Variants in ABCD2 observed in about 807,000 individuals in gnomAD.
ABCD2 encodes the protein ATP-binding cassette sub-family D member 2.
ABCD2 carries 36 observed loss-of-function variants against 70.9 expected under a neutral mutation model. That is an observed-to-expected ratio of 0.51 (90% CI 0.39 to 0.67). The LOEUF is 0.67. Among genes scored for constraint, ABCD2 ranks in the 30% least tolerant of loss-of-function variants. The probability of loss-of-function intolerance (pLI) is 0.00; values close to 1 mark genes in which losing one functional copy is unlikely to be tolerated. For missense variants in ABCD2, 729 were observed against 890.2 expected, an observed-to-expected ratio of 0.82 and a Z score of 2.30; for synonymous variants, 304 against 306.9, an observed-to-expected ratio of 0.99 and a Z score of 0.10.
intron 4 of ABCD2, 129 bp downstream of exon 4, chr12:39,604,633 T>A: frequency 1.5e-6 from 1 of 648,464 alleles, no homozygotes; most frequent in South Asian, 2.9e-5. Context: ...TATTAGGGAT[T>A]GCTGTTTAAA....
In ABCD2 at chr12:39,573,791, A is replaced by T; in HGVS notation, c.1928T>A (p.Val643Asp). The T allele has an allele frequency of 6.2e-7, 1 of 1,613,400 alleles. No individual in the cohort carries two copies. Among genetic ancestry groups the T allele is most frequent in the South Asian group, 1.1e-5 (1 of 91,056 alleles). ...TGCAGCCTGAAATATCTTTCCTTCG[A>T]CATCAATGCTGACAGCACTGGTACA... ...DECTSAVSID[V>D]EGKIFQAAKG... is the part of the protein sequence containing the mutation. Residue 643 changes from valine to aspartate, a missense_variant, in exon 9 of 10, where the codon GTC (valine) becomes GAC (aspartate). This residue lies in a region of ABCD2 where 289 missense variants were observed against 328.8 expected (regional missense o/e 0.88). Coordinates refer to ENST00000308666, the MANE Select transcript of ABCD2 (RefSeq NM_005164.4).
At chr12:39,593,133 A>G (rs796996574) in intron 6 of ABCD2, among the ~76,000 whole-genome samples, 41 of 152,364 alleles carry the variant, frequency 2.7e-4, no homozygotes, top group Admixed American at 1.7e-3. Flanking sequence ...TGGGTTAAAC[A>G]ATGTTGATAT....
At chr12:39,537,954 TG>T in the ABCD2 span, among the ~76,000 whole-genome samples, 1 of 152,184 alleles carries the variant, frequency 6.6e-6, no homozygotes, top group African/African-American at 2.4e-5. Flanking sequence ...GAATAGGGTC[TG>T]GAGGCAGGGA....
At chr12:39,599,807 T>C (rs1256562256) in intron 6 of ABCD2, among the ~76,000 whole-genome samples, 1 of 152,222 alleles carries the variant, frequency 6.6e-6, no homozygotes, top group East Asian at 1.9e-4. Context: ...AGGCGCTTGT[T>C]AGACTCCACA....
the ABCD2 span, among the ~76,000 whole-genome samples, chr12:39,531,435 CCTT>C: frequency 6.6e-6 from 1 of 152,184 alleles, no homozygotes; most frequent in African/African-American, 2.4e-5. Flanking sequence ...ACCGTTTTGA[CCTT>C]CTACCAGAAA....
chr12:39,543,934 G>A, the ABCD2 span, among the ~76,000 whole-genome samples: 4 of 152,154 alleles, frequency 2.6e-5, no homozygotes, highest in African/African-American at 4.8e-5. Context: ...AAAATTATAC[G>A]TCCTTCTCTA....
Position 39,619,139 on chromosome 12 carries a change from G to A in ABCD2, c.477C>T (p.Phe159=). The A allele has an allele frequency of 6.2e-6, 10 of 1,614,182 alleles. No individual in the cohort carries two copies. The highest frequency in any genetic ancestry group is 1.1e-5 in the South Asian group (1 of 91,078). ...CCAGGTACCTTATTGCACTGTTGAC[G>A]AAGGTAGCAGGGATGGCAATCATAA... ...KWLMIAIPAT[F]VNSAIRYLEC... Residue 159 remains phenylalanine, a synonymous_variant, in exon 1 of 10, where the codon TTC becomes TTT. Coordinates refer to ENST00000308666, the MANE Select transcript of ABCD2 (RefSeq NM_005164.4).
chr12:39,581,545 T>C (rs1941596159), intron 7 of ABCD2, among the ~76,000 whole-genome samples: 1 of 152,196 alleles, frequency 6.6e-6, no homozygotes, highest in African/African-American at 2.4e-5. Context: ...TAGGGAAAAC[T>C]GTTGAAATAA....
At chr12:39,542,883 G>A in the ABCD2 span, among the ~76,000 whole-genome samples, 2 of 152,186 alleles carry the variant, frequency 1.3e-5, no homozygotes, top group African/African-American at 2.4e-5. Flanking sequence ...CAGAGAGCAG[G>A]AAAAGTTTGA....
intron 9 of ABCD2, among the ~76,000 whole-genome samples, chr12:39,570,033 G>A (rs901860310): frequency 1.3e-5 from 2 of 152,196 alleles, no homozygotes; most frequent in African/African-American, 2.4e-5. Flanking sequence ...GCAAGGAGGT[G>A]TAAGGTCTCT....
intron 3 of ABCD2, among the ~76,000 whole-genome samples, chr12:39,605,164 A>T (rs756894062): frequency 6.6e-6 from 1 of 152,082 alleles, no homozygotes; most frequent in Non-Finnish European, 1.5e-5. Flanking sequence ...CAGAATATTA[A>T]TGACACTTAA....
chr12:39,587,373 C>T (rs569663082), intron 6 of ABCD2, among the ~76,000 whole-genome samples: 28 of 152,098 alleles, frequency 1.8e-4, no homozygotes, highest in East Asian at 3.9e-4. Context: ...TCTTTATTGT[C>T]GAGGGCTACC....
intron 8 of ABCD2, among the ~76,000 whole-genome samples, chr12:39,578,988 C>T (rs768228599): frequency 1.3e-5 from 2 of 152,000 alleles, no homozygotes; most frequent in Non-Finnish European, 2.9e-5. Context: ...TTAATTTAGT[C>T]CTTTGTACAC....
chr12:39,566,227 T>C (rs1941344899), intron 9 of ABCD2, among the ~76,000 whole-genome samples: 1 of 152,242 alleles, frequency 6.6e-6, no homozygotes, highest in African/African-American at 2.4e-5. Flanking sequence ...CTTGTACCTC[T>C]GGTAGAATTC....
intron 7 of ABCD2, among the ~76,000 whole-genome samples, chr12:39,585,413 G>A (rs1213317904): frequency 6.6e-6 from 1 of 152,050 alleles, no homozygotes; most frequent in African/African-American, 2.4e-5. Flanking sequence ...AAGGAGCTTT[G>A]AGCTGAGACT....
chr12:39,558,905 C>A (rs1337308989), intron 9 of ABCD2, among the ~76,000 whole-genome samples: 1 of 151,414 alleles, frequency 6.6e-6, no homozygotes, highest in Non-Finnish European at 1.5e-5. Context: ...AATGCTGGAG[C>A]TGAAAAATAC....
intron 2 of ABCD2, among the ~76,000 whole-genome samples, chr12:39,609,931 C>G (rs1293779740): frequency 6.6e-6 from 1 of 152,088 alleles, no homozygotes; most frequent in African/African-American, 2.4e-5. Flanking sequence ...AGAGAGCTTA[C>G]AGCTTGGTAG....
At chr12:39,607,282 A>G (rs112140229) in intron 3 of ABCD2, among the ~76,000 whole-genome samples, 2,095 of 152,296 alleles carry the variant, frequency 0.014, 53 homozygotes, top group African/African-American at 0.047. Context: ...CCAAGGTCAC[A>G]TAATTTGTAA....
At chr12:39,555,913 G>T (rs975383752) in intron 9 of ABCD2, among the ~76,000 whole-genome samples, 1 of 152,184 alleles carries the variant, frequency 6.6e-6, no homozygotes, top group Non-Finnish European at 1.5e-5. Context: ...AGCCTTGGTG[G>T]TCAAGGGATT....
Sources: allele counts gnomAD v4.1 joint callset (sites outside exome capture counted in the v4.1 genomes callset), GRCh38; gene constraint gnomAD v4.1.1; regional missense constraint gnomAD v4.1.1; transcripts MANE v1.5; gene names NCBI Gene and HGNC (gene_info 2026-07-23, HGNC 2026-07-21).